Variants in TMPRSS11F observed in about 807,000 individuals in gnomAD.
TMPRSS11F encodes the protein transmembrane serine protease 11F.
A neutral mutation model predicts 60.2 loss-of-function variants in TMPRSS11F; 47 were observed. That is an observed-to-expected ratio of 0.78 (90% CI 0.62 to 1.00). TMPRSS11F has a LOEUF of 1.00. Ranked by LOEUF, TMPRSS11F falls within the 50% of genes least tolerant of loss-of-function variation. The pLI is 0.00. For synonymous variants in TMPRSS11F, 166 were observed against 167.3 expected (o/e 0.99, Z 0.06); for missense variants, 519 against 522.9 (o/e 0.99, Z 0.07).
intron 1 of TMPRSS11F, among the ~76,000 whole-genome samples, chr4:68,116,444 C>T (rs76391263): frequency 0.01 from 1,582 of 152,140 alleles, 17 homozygotes; most frequent in East Asian, 0.026. Flanking sequence ...AGGTTCAATG[C>T]AATCCTGTCA....
At chr4:68,089,110 G>A (rs1288794146) in intron 3 of TMPRSS11F, among the ~76,000 whole-genome samples, 5 of 151,838 alleles carry the variant, frequency 3.3e-5, no homozygotes, top group Admixed American at 3.3e-4. Flanking sequence ...GCAATCCTAA[G>A]CAAAAAGAAA....
intron 1 of TMPRSS11F, among the ~76,000 whole-genome samples, chr4:68,115,010 A>AG (rs1035461066): frequency 2.2e-5 from 3 of 137,230 alleles, no homozygotes; most frequent in East Asian, 2.1e-4. Context: ...AAAAAAAAAA[A>AG]AAGAAGAAGA....
At chr4:68,064,482 C>A (rs189937161) in intron 8 of TMPRSS11F, among the ~76,000 whole-genome samples, 1 of 152,144 alleles carries the variant, frequency 6.6e-6, no homozygotes, top group African/African-American at 2.4e-5. Flanking sequence ...CCACCACACC[C>A]GGCCACCACT....
At chr4:68,098,472 T>C (rs1724123652) in intron 2 of TMPRSS11F, among the ~76,000 whole-genome samples, 1 of 152,206 alleles carries the variant, frequency 6.6e-6, no homozygotes, top group Admixed American at 6.5e-5. Context: ...GTTTTTTTCT[T>C]CAAAAATAAT....
At chr4:68,125,285 T>A (rs1344829204) in intron 1 of TMPRSS11F, among the ~76,000 whole-genome samples, 2 of 151,966 alleles carry the variant, frequency 1.3e-5, no homozygotes, top group African/African-American at 2.4e-5. Context: ...ATATAAATTG[T>A]TGAATTCTTC....
At chr4:68,098,418 G>T (rs7656636) in intron 2 of TMPRSS11F, among the ~76,000 whole-genome samples, 149,301 of 152,304 alleles carry the variant, frequency 0.98, 73,251 homozygotes, top group Middle Eastern at 1. Context: ...TAATTAGGAA[G>T]TAATACTGAG....
intron 5 of TMPRSS11F, 93 bp downstream of exon 5, chr4:68,072,230 A>AT (rs1553885920): frequency 0.081 from 7,532 of 92,780 alleles, 722 homozygotes; most frequent in Admixed American, 0.22. Context: ...CCAAAAAAAA[A>AT]ATATATATAT....
intron 1 of TMPRSS11F, among the ~76,000 whole-genome samples, chr4:68,107,971 C>A (rs114646208): frequency 9.1e-4 from 139 of 152,150 alleles, no homozygotes; most frequent in African/African-American, 3.2e-3. Flanking sequence ...GAGTTTTGAT[C>A]CCTGTGGATG....
rs1184677198 is a variant in TMPRSS11F at position 68,090,634 on chromosome 4, CTT to C, written c.169_170del (p.Lys57ValfsTer9). 1.3e-6 allele frequency: 2 copies of C among 1,592,776 alleles called. No homozygotes were observed. Among genetic ancestry groups the C allele is most frequent in the South Asian group, 1.1e-5 (1 of 89,142 alleles). On this transcript the variant is annotated frameshift_variant, in exon 3 of 10. Coordinates refer to ENST00000356291, the MANE Select transcript of TMPRSS11F (RefSeq NM_207407.2). LOFTEE classifies it high-confidence loss of function. Reference sequence around the variant, plus strand: ...TAAAAGAGGCAAGGTAATAGAAAGACTTATCATCTGAAAGGTAAAACAAACAA... The same window carrying C: ...TAAAAGAGGCAAGGTAATAGAAAGACATCATCTGAAAGGTAAAACAAACAA... ...IVTHFVVEDD[K>X]SFYYLASFKV...
At chr4:68,129,779 T>A (rs756777804) in intron 1 of TMPRSS11F, 31 bp downstream of exon 1, 1 of 1,610,318 alleles carries the variant, frequency 6.2e-7, no homozygotes, top group East Asian at 2.2e-5. Flanking sequence ...TCCCCACTGA[T>A]AACCTTTACT....
At chr4:68,092,988 C>G (rs1022435856) in intron 2 of TMPRSS11F, among the ~76,000 whole-genome samples, 1 of 152,096 alleles carries the variant, frequency 6.6e-6, no homozygotes, top group Non-Finnish European at 1.5e-5. Context: ...ATTAATAATA[C>G]CTTTCCTTTA....
chr4:68,090,781 T>G (rs1029828312), intron 2 of TMPRSS11F, 140 bp from the exon 3 acceptor site: 1 of 1,355,106 alleles, frequency 7.4e-7, no homozygotes, highest in African/African-American at 1.5e-5. Context: ...AAGACACTTC[T>G]CAAATACTCT....
chr4:68,110,445 C>T (rs1240871469), intron 1 of TMPRSS11F, among the ~76,000 whole-genome samples: 2 of 152,092 alleles, frequency 1.3e-5, no homozygotes, highest in Non-Finnish European at 2.9e-5. Flanking sequence ...TAATTATGAT[C>T]TGCTCTATAG....
At chr4:68,055,153 GA>G (rs1265078192) in intron 9 of TMPRSS11F, among the ~76,000 whole-genome samples, 1 of 152,196 alleles carries the variant, frequency 6.6e-6, no homozygotes, top group African/African-American at 2.4e-5. Flanking sequence ...AGGAGTGTAA[GA>G]GGGGCAAATA....
At chr4:68,127,019 C>T (rs903415009) in intron 1 of TMPRSS11F, among the ~76,000 whole-genome samples, 4 of 152,228 alleles carry the variant, frequency 2.6e-5, no homozygotes, top group African/African-American at 9.6e-5. Context: ...TCAAGCTGCA[C>T]TGGTCCACTC....
rs566929392 is a variant in TMPRSS11F, at chr4:68,117,856, C to T, written c.11+11954G>A. Among the ~76,000 whole-genome samples, 10 of 152,246 alleles carry T rather than the reference C, an allele frequency of 6.6e-5. No homozygotes were observed. In the South Asian group the frequency reaches 1.4e-3, roughly 22 times the overall value. On this transcript the variant is annotated intron_variant, in intron 1 of 9. Transcript: ENST00000356291. ...ATACTTCCATCTCTGTGGCTAAGGGCTATTCAAAAATGGACATGCAGTCCA... is the reference window on the plus strand; with the variant it reads ...ATACTTCCATCTCTGTGGCTAAGGGTTATTCAAAAATGGACATGCAGTCCA...
At chr4:68,114,205 G>A (rs942256266) in intron 1 of TMPRSS11F, among the ~76,000 whole-genome samples, 1 of 151,622 alleles carries the variant, frequency 6.6e-6, no homozygotes, top group Non-Finnish European at 1.5e-5. Context: ...AAGACACTGG[G>A]AAAAAGCAGA....
chr4:68,124,464 GATC>G (rs1352732002), intron 1 of TMPRSS11F, among the ~76,000 whole-genome samples: 1 of 152,122 alleles, frequency 6.6e-6, no homozygotes, highest in Non-Finnish European at 1.5e-5. Context: ...AGTGAGCAGC[GATC>G]ATGACAGAGC....
rs770410284 is a variant in TMPRSS11F, at chr4:68,069,995, TTGC to T, written c.524_526del (p.Ser175del). On this transcript the variant is annotated inframe_deletion, in exon 6 of 10. Transcript: ENST00000356291. The stretch of plus-strand genomic sequence containing the variant: ...ACTGTTGAGAAGATTCCTCATCTTT[TTGC>T]TGTCAATAGCTGGAATAAGCAAAAC... The T allele has an allele frequency of 4.6e-4, 741 of 1,604,502 alleles. No individual in the cohort carries two copies. Among genetic ancestry groups the T allele is most frequent in the Non-Finnish European group, 6.1e-4 (720 of 1,175,010 alleles).
Sources: allele counts gnomAD v4.1 joint callset (sites outside exome capture counted in the v4.1 genomes callset), GRCh38; gene constraint gnomAD v4.1.1; transcripts MANE v1.5; gene names NCBI Gene and HGNC (gene_info 2026-07-23, HGNC 2026-07-21).